Variants in SRFBP1 observed in about 807,000 individuals in gnomAD.
SRFBP1 encodes serum response factor-binding protein 1.
SRFBP1 carries 47 observed loss-of-function variants against 45.5 expected under a neutral mutation model. That is an observed-to-expected ratio of 1.03 (90% confidence interval 0.82 to 1.32). The LOEUF (loss-of-function observed/expected upper bound fraction) is 1.32, where lower values mean the gene tolerates loss of function less well. Among genes scored for constraint, SRFBP1 ranks in the 40% most tolerant of loss-of-function variants. SRFBP1 has a pLI of 0.00. For missense variants in SRFBP1, 621 were observed against 484.6 expected, an observed-to-expected ratio of 1.28 and a Z score of -2.64; for synonymous variants, 203 against 166.3, an observed-to-expected ratio of 1.22 and a Z score of -1.70.
intron 1 of SRFBP1, among the ~76,000 whole-genome samples, chr5:121,970,196 C>G (rs970702950): frequency 2.6e-5 from 4 of 152,078 alleles, no homozygotes; most frequent in African/African-American, 9.7e-5. Context: ...AAACCTAAGT[C>G]TTAAGTATAT....
chr5:122,077,935 C>T (rs1410688638), downstream of SRFBP1: 1 of 1,500,630 alleles, frequency 6.7e-7, no homozygotes, highest in East Asian at 2.5e-5. This position sits in a 1 kb window ranked among gnomAD's most constrained non-coding sequence, Gnocchi z 4.9. Context: ...AGTGCACTAG[C>T]GCGCAGAGCT....
intron 3 of SRFBP1, among the ~76,000 whole-genome samples, chr5:121,980,821 A>G (rs1336615583): frequency 1.3e-5 from 2 of 152,114 alleles, no homozygotes; most frequent in South Asian, 2.1e-4. Flanking sequence ...GATGCTTTGA[A>G]TCTGCTACTT....
At chr5:122,031,128 G>T (rs893030875), downstream of SRFBP1, among the ~76,000 whole-genome samples, 3 of 152,018 alleles carry the variant, frequency 2.0e-5, no homozygotes, top group Non-Finnish European at 4.4e-5. Context: ...TTGATTCCAG[G>T]CATTTAAGGA....
chr5:121,994,724 C>G, intron 4 of SRFBP1, 54 bp downstream of exon 4: 1 of 1,198,830 alleles, frequency 8.3e-7, no homozygotes, highest in South Asian at 1.5e-5. Context: ...ATCTATATTG[C>G]TTACTTTTTT....
chr5:122,043,814 C>T (rs1304541744), intron 2 of SRFBP1, among the ~76,000 whole-genome samples: 1 of 152,062 alleles, frequency 6.6e-6, no homozygotes, highest in Non-Finnish European at 1.5e-5. Flanking sequence ...AGCACAAAAG[C>T]AGCTATGGAT....
intron 4 of SRFBP1, among the ~76,000 whole-genome samples, chr5:122,001,134 T>G (rs1752857112): frequency 6.6e-6 from 1 of 152,030 alleles, no homozygotes; most frequent in Non-Finnish European, 1.5e-5. Flanking sequence ...TCTCAAAAAG[T>G]GATGGGATAA....
chr5:121,973,079 T>C (rs1298895395), intron 1 of SRFBP1, among the ~76,000 whole-genome samples: 1 of 151,870 alleles, frequency 6.6e-6, no homozygotes, highest in Non-Finnish European at 1.5e-5. Flanking sequence ...ATGATGTTGA[T>C]AATGTTATTT....
chr5:122,074,243 C>T (rs1372498395), intron 2 of SRFBP1: 7 of 1,268,704 alleles, frequency 5.5e-6, no homozygotes, highest in Non-Finnish European at 7.7e-6. Context: ...AAATGACTTC[C>T]CCCATGGCTT....
intron 7 of SRFBP1, among the ~76,000 whole-genome samples, chr5:122,023,093 C>G (rs1753395769): frequency 6.6e-6 from 1 of 152,190 alleles, no homozygotes; most frequent in Admixed American, 6.5e-5. Flanking sequence ...GTAGCAGAAA[C>G]CAGTTCTACT....
chr5:122,040,577 T>C (rs879544877), intron 2 of SRFBP1, among the ~76,000 whole-genome samples: 1 of 150,270 alleles, frequency 6.7e-6, no homozygotes, highest in Non-Finnish European at 1.5e-5. Flanking sequence ...AGCTTTGCTC[T>C]CTCTATCTGG....
intron 2 of SRFBP1, among the ~76,000 whole-genome samples, chr5:122,052,273 T>G (rs1446084622): frequency 6.6e-6 from 1 of 152,164 alleles, no homozygotes; most frequent in African/African-American, 2.4e-5. Flanking sequence ...CTGCATTTCC[T>G]GGATTTGAAT....
chr5:122,077,052 C>T (rs41529549), downstream of SRFBP1: 818 of 1,602,364 alleles, frequency 5.1e-4, no homozygotes, highest in Non-Finnish European at 6.6e-4. This position sits in a 1 kb window ranked among gnomAD's most constrained non-coding sequence, Gnocchi z 4.9. Flanking sequence ...CGGCGCCCCC[C>T]GCTCCAACTC....
At position 121,974,256 on chromosome 5, in the gene SRFBP1, A is replaced by G. The variant is rs1235042530; in HGVS notation, c.97A>G (p.Arg33Gly). The change falls in exon 2 of 8, where the codon AGG (arginine) becomes GGG (glycine). Residue 33 changes from arginine (R) to glycine (G), a missense_variant. Arg to Gly is a moderately radical substitution (Grantham distance 125). Transcript: ENST00000339397. The part of the protein sequence containing the change: ...IRVLVIRKLV[R>G]SVGRLKSKKG... ...AGTTTTAGTTATCCGAAAACTTGTCAGGAGTGTTGGCCGACTGAAGTCAAA... is the reference window on the plus strand; with the variant it reads ...AGTTTTAGTTATCCGAAAACTTGTCGGGAGTGTTGGCCGACTGAAGTCAAA... The G allele has an allele frequency of 1.2e-6, 2 of 1,611,536 alleles. No individual in the cohort carries two copies. Among genetic ancestry groups the G allele is most frequent in the Non-Finnish European group, 8.5e-7 (1 of 1,178,184 alleles).
chr5:122,032,688 G>A (rs1376331131), downstream of SRFBP1, among the ~76,000 whole-genome samples: 1 of 152,176 alleles, frequency 6.6e-6, no homozygotes, highest in African/African-American at 2.4e-5. Flanking sequence ...CTATGGGTAT[G>A]TGGATTATTT....
chr5:122,057,105 G>T (rs1754091600), intron 2 of SRFBP1, among the ~76,000 whole-genome samples: 1 of 152,152 alleles, frequency 6.6e-6, no homozygotes, highest in African/African-American at 2.4e-5. Context: ...TAGCTTTCTT[G>T]TCTTTCCAGT....
At chr5:122,077,459 T>C, downstream of SRFBP1, 1 of 1,614,044 alleles carries the variant, frequency 6.2e-7, no homozygotes, top group Non-Finnish European at 8.5e-7. This position sits in a 1 kb window ranked among gnomAD's most constrained non-coding sequence, Gnocchi z 4.9. Flanking sequence ...GTCAGAGTAC[T>C]TGTAGGGGTT....
At chr5:122,075,008 C>T (rs981673901) in intron 2 of SRFBP1, among the ~76,000 whole-genome samples, 3 of 152,200 alleles carry the variant, frequency 2.0e-5, no homozygotes, top group Non-Finnish European at 2.9e-5. Flanking sequence ...GATGTATCAT[C>T]TACATCTTTC....
At chr5:122,001,758 T>G (rs938751433) in intron 4 of SRFBP1, among the ~76,000 whole-genome samples, 3 of 152,054 alleles carry the variant, frequency 2.0e-5, no homozygotes, top group Non-Finnish European at 4.4e-5. Context: ...AGACGGGGTT[T>G]CACCTTGTTA....
chr5:122,032,946 T>G (rs1753614715), downstream of SRFBP1, among the ~76,000 whole-genome samples: 1 of 152,154 alleles, frequency 6.6e-6, no homozygotes, highest in East Asian at 1.9e-4. Context: ...TTTGTTTTTT[T>G]GTTTTTCTTT....
Sources: gnomAD v4.1 joint callset for allele counts (sites outside exome capture counted in the v4.1 genomes callset) on GRCh38, gnomAD v4.1.1 for gene constraint, Gnocchi (gnomAD v3.1) non-coding constraint, MANE v1.5 for transcripts, NCBI Gene and HGNC (gene_info 2026-07-23, HGNC 2026-07-21) for gene names.